DPYD: variants seen among roughly 807,000 people sequenced by gnomAD.
DPYD encodes dihydropyrimidine dehydrogenase.
A neutral mutation model predicts 116.2 loss-of-function variants in DPYD; 109 were observed. That is an observed-to-expected ratio of 0.94 (90% CI 0.80 to 1.10). The LOEUF is 1.10. DPYD is among the 50% of genes least tolerant of loss of function. The pLI is 0.00. For missense variants in DPYD, 1,302 were observed against 1,254.5 expected (o/e 1.04, Z -0.57); for synonymous variants, 440 against 432.0 (o/e 1.02, Z -0.23).
chr1:97,369,518 C>T (rs1008110667), intron 16 of DPYD, among the ~76,000 whole-genome samples: 2 of 152,234 alleles, frequency 1.3e-5, no homozygotes, highest in African/African-American at 4.8e-5. Context: ...AAGTGCAGGT[C>T]TAGAAGCCAC....
chr1:97,172,534 AT>A lies in DPYD; in HGVS notation c.2622+20534del, dbSNP rs1429991989. ...TCACTTAGATATCTCTGCCTTCCATATTTTGGTATCAAATTAAATTTATCAC... is the reference window on the plus strand; with the variant it reads ...TCACTTAGATATCTCTGCCTTCCATATTTGGTATCAAATTAAATTTATCAC... On this transcript the variant is annotated intron_variant, in intron 20 of 22. Transcript: ENST00000370192. Among the ~76,000 whole-genome samples the A allele has an allele frequency of 3.3e-5, 5 of 152,194 alleles. No individual in the cohort carries two copies. In the East Asian group the frequency reaches 9.6e-4, roughly 29 times the overall value.
At chr1:97,779,495 T>C (rs1447700214) in intron 3 of DPYD, among the ~76,000 whole-genome samples, 1 of 152,064 alleles carries the variant, frequency 6.6e-6, no homozygotes, top group Non-Finnish European at 1.5e-5. Flanking sequence ...AAAGTACCTG[T>C]CTACATATAA....
chr1:97,805,895 A>C (rs575381850), intron 3 of DPYD, among the ~76,000 whole-genome samples: 25 of 151,966 alleles, frequency 1.6e-4, no homozygotes, highest in African/African-American at 4.8e-4. Context: ...AGAGGCTAGA[A>C]GCTTCCAAAA....
intron 18 of DPYD, among the ~76,000 whole-genome samples, chr1:97,251,391 T>TAAAAAAAAAAAAAAAAAAAAA (rs10581072): frequency 2.0e-4 from 19 of 95,352 alleles, no homozygotes; most frequent in East Asian, 3.4e-4. Context: ...AAACTCTGTC[T>TAAAAAAAAAAAAAAAAAAAAA]AAAAAAAAAA....
intron 8 of DPYD, among the ~76,000 whole-genome samples, chr1:97,602,648 C>A (rs530428195): frequency 7.2e-5 from 11 of 151,818 alleles, no homozygotes; most frequent in African/African-American, 2.7e-4. Context: ...AAAATTATGG[C>A]TTTCTTTATG....
At chr1:97,781,792 C>T (rs1376687827) in intron 3 of DPYD, among the ~76,000 whole-genome samples, 1 of 152,124 alleles carries the variant, frequency 6.6e-6, no homozygotes, top group African/African-American at 2.4e-5. Flanking sequence ...CACATTTTTT[C>T]TATACCAATA....
At chr1:97,557,273 T>C (rs1385450160) in intron 11 of DPYD, among the ~76,000 whole-genome samples, 2 of 151,562 alleles carry the variant, frequency 1.3e-5, no homozygotes, top group Non-Finnish European at 2.9e-5. Context: ...GTCAGATGAG[T>C]AGGTTGCGAA....
At chr1:97,620,995 A>G (rs1455654118) in intron 8 of DPYD, among the ~76,000 whole-genome samples, 2 of 152,154 alleles carry the variant, frequency 1.3e-5, no homozygotes, top group Non-Finnish European at 2.9e-5. Context: ...ATTTGTACAT[A>G]TACTGTACAA....
At chr1:97,411,432 G>A (rs1250493374) in intron 14 of DPYD, among the ~76,000 whole-genome samples, 1 of 151,814 alleles carries the variant, frequency 6.6e-6, no homozygotes, top group Admixed American at 6.6e-5. Context: ...TGTACAAGAA[G>A]GTATTTCCAC....
At chr1:97,730,579 G>T (rs1345653155) in intron 4 of DPYD, among the ~76,000 whole-genome samples, 2 of 151,914 alleles carry the variant, frequency 1.3e-5, no homozygotes, top group East Asian at 3.9e-4. Flanking sequence ...AAATAAGAAA[G>T]TGCTTTATAG....
At chr1:97,608,996 G>C (rs370693108) in intron 8 of DPYD, among the ~76,000 whole-genome samples, 61 of 151,958 alleles carry the variant, frequency 4.0e-4, no homozygotes, top group Non-Finnish European at 7.8e-4. Flanking sequence ...ATAGTATAGA[G>C]AGCATACATT....
intron 3 of DPYD, among the ~76,000 whole-genome samples, chr1:97,779,076 T>C (rs946179757): frequency 5.9e-5 from 9 of 152,250 alleles, no homozygotes; most frequent in Admixed American, 2.0e-4. Flanking sequence ...ATTAGCTCTA[T>C]TGAAAGCAAC....
chr1:97,764,709 G>T (rs1481801189), intron 3 of DPYD, among the ~76,000 whole-genome samples: 2 of 151,932 alleles, frequency 1.3e-5, no homozygotes, highest in African/African-American at 2.4e-5. Context: ...ACTTTATTAT[G>T]ATCTGAAATG....
chr1:97,683,447 T>C (rs950484377), intron 7 of DPYD, among the ~76,000 whole-genome samples: 5 of 151,784 alleles, frequency 3.3e-5, no homozygotes, highest in Non-Finnish European at 7.4e-5. Flanking sequence ...AGAAGAAATG[T>C]ATAGAAATTA....
intron 3 of DPYD, among the ~76,000 whole-genome samples, chr1:97,788,703 AG>A (rs1273285633): frequency 5.9e-5 from 9 of 152,232 alleles, no homozygotes; most frequent in Non-Finnish European, 1.3e-4. Context: ...GATTTTCCCA[AG>A]GCTAATCAGC....
chr1:97,625,824 T>C (rs1294309597), intron 8 of DPYD, among the ~76,000 whole-genome samples: 1 of 151,988 alleles, frequency 6.6e-6, no homozygotes, highest in Non-Finnish European at 1.5e-5. Context: ...GATACTTTGT[T>C]ATGGCAGCCC....
At chr1:97,198,061 A>G (rs574456115) in intron 19 of DPYD, among the ~76,000 whole-genome samples, 6 of 152,176 alleles carry the variant, frequency 3.9e-5, no homozygotes, top group African/African-American at 7.2e-5. Flanking sequence ...AACTTTGCAC[A>G]TTGATATTTT....
At chr1:97,472,857 T>C (rs186866042) in intron 13 of DPYD, among the ~76,000 whole-genome samples, 1 of 152,338 alleles carries the variant, frequency 6.6e-6, no homozygotes, top group African/African-American at 2.4e-5. Flanking sequence ...CTGGCAAAAC[T>C]TGTATATATT....
At chr1:97,671,311 T>G (rs1201418650) in intron 8 of DPYD, among the ~76,000 whole-genome samples, 1 of 152,106 alleles carries the variant, frequency 6.6e-6, no homozygotes, top group Admixed American at 6.6e-5. Flanking sequence ...ATCATCTTCA[T>G]CACAAAACGC....
Sources: allele counts gnomAD v4.1 joint callset (sites outside exome capture counted in the v4.1 genomes callset), GRCh38; gene constraint gnomAD v4.1.1; transcripts MANE v1.5; gene names NCBI Gene and HGNC (gene_info 2026-07-23, HGNC 2026-07-21).